Variants in KDM3B observed in about 807,000 individuals in gnomAD.
The protein encoded by KDM3B is lysine demethylase 3B, also known as lysine-specific demethylase 3B.
Under a neutral mutation model 170.0 loss-of-function variants are expected in KDM3B, and 10 were observed. That is an observed-to-expected ratio of 0.06 (90% CI 0.04 to 0.10). The LOEUF is 0.10. KDM3B is among the 10% of genes least tolerant of loss of function. The pLI is 1.00. For synonymous variants in KDM3B, 831 were observed against 834.8 expected (o/e 1.00, Z 0.08); for missense variants, 1,394 against 2,195.2 (o/e 0.64, Z 7.29).
chr5:138,419,182 T>C lies in KDM3B; in HGVS notation c.3665T>C (p.Leu1222Pro). The stretch of plus-strand genomic sequence containing the variant: ...GACACGGCCCCACCCTCCTCCGCCC[T>C]GCACTGGTTGGCAGATTTAGCAACT... ...CPDTAPPSSALHWLADLATQK... is the reference protein window; with the variant it reads ...CPDTAPPSSAPHWLADLATQK... Residue 1222 changes from leucine (L) to proline (P), a missense_variant, in exon 14 of 24, where the codon CTG becomes CCG. By Grantham distance (98) the Leu-to-Pro change is moderately conservative (BLOSUM62 -3). Transcript: ENST00000314358. The C allele has an allele frequency of 6.2e-7, 1 of 1,614,186 alleles. No individual in the cohort carries two copies. The highest frequency in any genetic ancestry group is 8.5e-7 in the Non-Finnish European group (1 of 1,180,006).
intron 11 of KDM3B, among the ~76,000 whole-genome samples, chr5:138,407,694 C>T (rs1762857866): frequency 6.6e-6 from 1 of 152,200 alleles, no homozygotes; most frequent in African/African-American, 2.4e-5. Context: ...AGCAATCAAA[C>T]TCCAAATGGT....
intron 11 of KDM3B, among the ~76,000 whole-genome samples, chr5:138,411,478 T>G (rs2126978937): frequency 6.6e-6 from 1 of 152,318 alleles, no homozygotes; most frequent in East Asian, 1.9e-4. Flanking sequence ...GTCCTTGGTC[T>G]CTTGCCTCGG....
intron 7 of KDM3B, among the ~76,000 whole-genome samples, chr5:138,389,833 C>G (rs1430248948): frequency 2.7e-5 from 4 of 146,852 alleles, no homozygotes; most frequent in Non-Finnish European, 4.5e-5. Context: ...TTGTCTGTAT[C>G]TGGGTACATT....
chr5:138,404,532 C>T lies in KDM3B; in HGVS notation c.3199+4520C>T, dbSNP rs189291650. Among the ~76,000 whole-genome samples, 528 of 151,492 alleles carry T rather than the reference C, an allele frequency of 3.5e-3. 1 individual carries two copies. The highest frequency in any genetic ancestry group is 0.011 in the African/African-American group (471 of 41,396). On this transcript the variant is annotated intron_variant, in intron 11 of 23. Transcript: ENST00000314358. ...GTCCCAGCTACTTGGGAGGCTGAGG[C>T]AGGAGAATCACTTGAACCTGGGAAG...
chr5:138,428,435 T>C (rs1317006667), intron 20 of KDM3B, among the ~76,000 whole-genome samples: 1 of 152,200 alleles, frequency 6.6e-6, no homozygotes, highest in Non-Finnish European at 1.5e-5. Context: ...GGTCTCAAAC[T>C]CCTGACCTCA....
intron 12 of KDM3B, among the ~76,000 whole-genome samples, chr5:138,417,281 G>A (rs1249526533): frequency 1.3e-5 from 2 of 152,252 alleles, no homozygotes; most frequent in East Asian, 1.9e-4. Context: ...TAGTGCTCCC[G>A]TTTACCAGCT....
intron 11 of KDM3B, among the ~76,000 whole-genome samples, chr5:138,403,056 C>T (rs1318945970): frequency 1.3e-5 from 2 of 152,222 alleles, no homozygotes; most frequent in Non-Finnish European, 2.9e-5. Context: ...TGTATTCCCA[C>T]CAGCCAGTGT....
At chr5:138,374,062 A>G (rs1386614750) in intron 2 of KDM3B, among the ~76,000 whole-genome samples, 6 of 151,354 alleles carry the variant, frequency 4.0e-5, no homozygotes, top group African/African-American at 1.5e-4. Flanking sequence ...GGCACGATCT[A>G]GGCTCACTGC....
chr5:138,418,581 C>A (rs1384675747), intron 13 of KDM3B, among the ~76,000 whole-genome samples: 2 of 152,140 alleles, frequency 1.3e-5, no homozygotes, highest in Non-Finnish European at 2.9e-5. Context: ...GAGTAATAAA[C>A]ATTTATTTAG....
intron 6 of KDM3B, among the ~76,000 whole-genome samples, chr5:138,385,488 C>G (rs933485612): frequency 6.6e-5 from 10 of 152,236 alleles, no homozygotes; most frequent in Non-Finnish European, 1.5e-4. Context: ...GCCTTGGCCT[C>G]CCAAACTGCT....
chr5:138,425,549 C>G lies in KDM3B; in HGVS notation c.4378C>G (p.Arg1460Gly), dbSNP rs1207933313. The G allele has an allele frequency of 2.5e-6, 4 of 1,613,884 alleles. No homozygotes were observed. Among genetic ancestry groups the G allele is most frequent in the Non-Finnish European group, 3.4e-6 (4 of 1,179,930 alleles). The part of the protein sequence containing the change: ...NCAIISDVKV[R>G]DFWDGFEIIC... ...TGCTATAATTTCCGATGTGAAAGTT[C>G]GGGATTTCTGGGATGGTTTCGAGAT... is the stretch of plus-strand genomic sequence containing the variant. The change falls in exon 17 of 24, where the codon CGG becomes GGG. Residue 1460 changes from arginine to glycine, a missense_variant. Coordinates refer to ENST00000314358, the MANE Select transcript of KDM3B (RefSeq NM_016604.4).
intron 1 of KDM3B, among the ~76,000 whole-genome samples, chr5:138,364,960 G>T (rs902845744): frequency 6.6e-6 from 1 of 152,178 alleles, no homozygotes; most frequent in Non-Finnish European, 1.5e-5. Flanking sequence ...GGGATAATTG[G>T]TAGAAAGCTA....
chr5:138,420,687 C>A lies in KDM3B; in HGVS notation c.3716-19C>A, dbSNP rs1306577854. 1 of 1,613,034 alleles carries A rather than the reference C, an allele frequency of 6.2e-7. No individual in the cohort carries two copies. The highest frequency in any genetic ancestry group is 1.7e-5 in the Admixed American group (1 of 59,994). ...ATTCCTTTTTGTACCTAATGCTGTT[C>A]CTGGTTATGTTCTTACAGAAGCAGG... On this transcript the variant is annotated intron_variant, in intron 14 of 23. Coordinates refer to ENST00000314358, the MANE Select transcript of KDM3B (RefSeq NM_016604.4).
At chr5:138,421,903 A>G (rs564971870) in intron 15 of KDM3B, among the ~76,000 whole-genome samples, 80 of 152,248 alleles carry the variant, frequency 5.3e-4, no homozygotes, top group African/African-American at 1.9e-3. Flanking sequence ...CCTGTCTTCA[A>G]CTACCACTCT....
At chr5:138,373,966 C>T (rs1223579918) in intron 2 of KDM3B, among the ~76,000 whole-genome samples, 1 of 151,996 alleles carries the variant, frequency 6.6e-6, no homozygotes, top group East Asian at 1.9e-4. Flanking sequence ...ACTTACTAAA[C>T]TGTCTTTTCT....
intron 6 of KDM3B, 53 bp downstream of exon 6, chr5:138,381,643 C>G (rs1762128531): frequency 9.0e-7 from 1 of 1,115,112 alleles, no homozygotes; most frequent in Admixed American, 1.8e-5. Context: ...CATTATCTTG[C>G]TGTGTGTAGA....
rs1422459909 is a variant in KDM3B at position 138,379,587 on chromosome 5, C to A, written c.584C>A (p.Pro195His). 3.1e-6 allele frequency: 5 copies of A among 1,612,072 alleles called. No individual in the cohort carries two copies. The highest frequency in any genetic ancestry group is 4.2e-6 in the Non-Finnish European group (5 of 1,179,170). ...QKLQEIFSRGPYSVQGHRVKI... is the reference protein window; with the variant it reads ...QKLQEIFSRGHYSVQGHRVKI... ...TACTGACTGATCTCCCTTTTAGGTC[C>A]CTACAGTGTTCAAGGTCACAGGGTC... The change falls in exon 5 of 24, where the codon CCC (proline) becomes CAC (histidine). Residue 195 changes from proline to histidine, a missense_variant. Transcript: ENST00000314358.
At chr5:138,370,929 CT>C (rs1761858270) in intron 1 of KDM3B, among the ~76,000 whole-genome samples, 1 of 152,086 alleles carries the variant, frequency 6.6e-6, no homozygotes, top group Non-Finnish European at 1.5e-5. Context: ...CTGCCTCAGC[CT>C]CCTGAGTAGC....
intron 2 of KDM3B, among the ~76,000 whole-genome samples, chr5:138,374,783 A>G (rs1259658259): frequency 2.0e-5 from 3 of 152,204 alleles, no homozygotes. Flanking sequence ...GGAATTTACT[A>G]TAATTTAGCT....
Sources: gnomAD v4.1 joint callset for allele counts (sites outside exome capture counted in the v4.1 genomes callset) on GRCh38, gnomAD v4.1.1 for gene constraint, MANE v1.5 for transcripts, NCBI Gene and HGNC (gene_info 2026-07-23, HGNC 2026-07-21) for gene names.